Variants in PPP1R12B observed in about 807,000 individuals in gnomAD.
PPP1R12B encodes the protein myosin phosphatase target subunit 2.
PPP1R12B carries 76 observed loss-of-function variants against 126.1 expected under a neutral mutation model. That is an observed-to-expected ratio of 0.60 (90% CI 0.50 to 0.73). The LOEUF (loss-of-function observed/expected upper bound fraction) is 0.73, where lower values mean the gene tolerates loss of function less well. Among genes scored for constraint, PPP1R12B ranks in the 30% least tolerant of loss-of-function variants. The pLI, the probability that PPP1R12B is intolerant of heterozygous loss-of-function variation, is 0.00. For missense variants in PPP1R12B, 1,052 were observed against 1,205.1 expected, an observed-to-expected ratio of 0.87 and a Z score of 1.88; for synonymous variants, 356 against 434.7, an observed-to-expected ratio of 0.82 and a Z score of 2.25.
chr1:202,392,729 G>T (rs1664325802), intron 1 of PPP1R12B, among the ~76,000 whole-genome samples: 2 of 151,746 alleles, frequency 1.3e-5, no homozygotes, highest in Admixed American at 1.3e-4. Flanking sequence ...GTTTCACCAT[G>T]CTTCTCAGGC....
At chr1:202,468,897 C>T (rs1234866614) in intron 13 of PPP1R12B, among the ~76,000 whole-genome samples, 3 of 152,070 alleles carry the variant, frequency 2.0e-5, no homozygotes, top group Non-Finnish European at 4.4e-5. Context: ...GTGACCACTG[C>T]ACTCCAGCCT....
At chr1:202,365,099 T>C (rs1390130600) in intron 1 of PPP1R12B, among the ~76,000 whole-genome samples, 1 of 152,228 alleles carries the variant, frequency 6.6e-6, no homozygotes, top group Non-Finnish European at 1.5e-5. Context: ...TTCCTCAGGC[T>C]GTCTTAGCTT....
rs181346655 is a variant in PPP1R12B, at chr1:202,448,917, T to C, written c.1668-72T>C. 869 of 1,473,488 alleles carry C rather than the reference T, an allele frequency of 5.9e-4. 11 individuals are homozygous for C. The East Asian group carries it at 0.02, about 33-fold the overall frequency. 91.3% of individuals were successfully genotyped at this position (1,473,488 alleles called of 1,614,324 possible). ...GATGAACCACTCTTTAATCCTTCTG[T>C]CTCTGTGCCAGTGCTTTGTTGTATA... On this transcript the variant is annotated intron_variant, in intron 12 of 23. Transcript: ENST00000608999.
chr1:202,441,804 A>C (rs572691863), intron 11 of PPP1R12B, among the ~76,000 whole-genome samples: 92 of 151,278 alleles, frequency 6.1e-4, no homozygotes, highest in African/African-American at 2.0e-3. Context: ...TCATTTCCTT[A>C]TCTGCTTAAC....
chr1:202,554,091 C>T (rs1686627932), intron 18 of PPP1R12B, among the ~76,000 whole-genome samples: 1 of 152,180 alleles, frequency 6.6e-6, no homozygotes, highest in Admixed American at 6.5e-5. Flanking sequence ...CCCATCTTCT[C>T]TCTCCCTAAA....
chr1:202,482,655 G>A (rs1000385798), intron 13 of PPP1R12B, among the ~76,000 whole-genome samples: 1 of 152,150 alleles, frequency 6.6e-6, no homozygotes, highest in South Asian at 2.1e-4. Flanking sequence ...CTTGTCAGAT[G>A]TATAGTTTGC....
At chr1:202,371,181 A>ATTTTTT (rs1214666307) in intron 1 of PPP1R12B, among the ~76,000 whole-genome samples, 1 of 110,714 alleles carries the variant, frequency 9.0e-6, no homozygotes, top group African/African-American at 3.4e-5. Context: ...ACACCCAGCT[A>ATTTTTT]TTTTTTTTTT....
In PPP1R12B at chr1:202,348,746, C is replaced by T. The variant is rs1209602968; in HGVS notation, c.-106C>T. The T allele has an allele frequency of 1.2e-5, 17 of 1,390,646 alleles. No homozygotes were observed. Among genetic ancestry groups the T allele is most frequent in the East Asian group, 2.5e-5 (1 of 39,670 alleles). 86.1% of individuals were successfully genotyped at this position (1,390,646 alleles called of 1,614,324 possible). A position where few individuals can be genotyped will look rare whatever the true frequency, so the allele number is the denominator to read the frequency against. On this transcript the variant is annotated 5_prime_UTR_variant, in exon 1 of 24. Coordinates refer to ENST00000608999, the MANE Select transcript of PPP1R12B (RefSeq NM_002481.4). ...AAGATGGCGGCGCGAGGGTCTCCGC[C>T]CTCTGCTCCGGGCTGAAGCGCTCTG...
At chr1:202,537,411 T>C (rs1460393393) in intron 18 of PPP1R12B, among the ~76,000 whole-genome samples, 1 of 152,140 alleles carries the variant, frequency 6.6e-6, no homozygotes, top group Admixed American at 6.5e-5. Flanking sequence ...AGTTCCATTA[T>C]AGTCTTATGC....
chr1:202,460,116 T>C (rs1674129140), intron 13 of PPP1R12B, among the ~76,000 whole-genome samples: 1 of 152,270 alleles, frequency 6.6e-6, no homozygotes, highest in South Asian at 2.1e-4. Context: ...TTTGATTCTT[T>C]TGTTTTTCCT....
Position 202,464,485 on chromosome 1 carries a change from A to G in PPP1R12B, c.1850+15314A>G, listed in dbSNP as rs79345427. ...TCCCATTCCATTTAAGTGTTTTAATATAGGGAATGCAGATTTTTTTTGGCA... is the reference window on the plus strand; with the variant it reads ...TCCCATTCCATTTAAGTGTTTTAATGTAGGGAATGCAGATTTTTTTTGGCA... On this transcript the variant is annotated intron_variant, in intron 13 of 23. Transcript: ENST00000608999. Among the ~76,000 whole-genome samples the G allele has an allele frequency of 4.8e-4, 73 of 152,258 alleles. 1 individual carries two copies. In the East Asian group the frequency reaches 0.012, roughly 26 times the overall value.
chr1:202,510,862 A>T (rs1362703851), intron 18 of PPP1R12B, among the ~76,000 whole-genome samples: 4 of 147,520 alleles, frequency 2.7e-5, no homozygotes, highest in Non-Finnish European at 6.0e-5. Flanking sequence ...TTATTCAGGC[A>T]AGTATATATA....
chr1:202,423,803 C>T (rs1247905701), intron 3 of PPP1R12B, among the ~76,000 whole-genome samples: 2 of 152,086 alleles, frequency 1.3e-5, no homozygotes, highest in African/African-American at 4.8e-5. Context: ...CCTGCCGCAG[C>T]CTCCTGAGTA....
At chr1:202,378,294 C>T (rs1325954244) in intron 1 of PPP1R12B, among the ~76,000 whole-genome samples, 2 of 142,916 alleles carry the variant, frequency 1.4e-5, no homozygotes, top group African/African-American at 5.2e-5. Context: ...AAATGGCCAC[C>T]AAAAGAACTT....
At chr1:202,440,998 T>C (rs1354632803) in intron 11 of PPP1R12B, among the ~76,000 whole-genome samples, 1 of 152,208 alleles carries the variant, frequency 6.6e-6, no homozygotes. Context: ...AGGTTAGACA[T>C]TACCTTCTTT....
At chr1:202,460,074 A>G (rs1674125047) in intron 13 of PPP1R12B, among the ~76,000 whole-genome samples, 1 of 152,320 alleles carries the variant, frequency 6.6e-6, no homozygotes, top group Middle Eastern at 3.4e-3. Flanking sequence ...AACAATTCCC[A>G]TTGCTAATAT....
At chr1:202,479,735 T>C (rs1363736211) in intron 13 of PPP1R12B, among the ~76,000 whole-genome samples, 1 of 152,170 alleles carries the variant, frequency 6.6e-6, no homozygotes, top group Non-Finnish European at 1.5e-5. Flanking sequence ...TAAAATGTGG[T>C]CCCCAGACCA....
Position 202,583,904 on chromosome 1 carries a change from G to A in PPP1R12B, c.*3344G>A, listed in dbSNP as rs1385164893. 4 of 152,118 alleles carry A rather than the reference G, an allele frequency of 2.6e-5. No homozygotes were observed. Among genetic ancestry groups the A allele is most frequent in the African/African-American group, 9.7e-5 (4 of 41,420 alleles). The allele number at this position is 152,118 out of a possible 1,614,324, so 9.4% of individuals were successfully genotyped here. A position where few individuals can be genotyped will look rare whatever the true frequency, so the allele number is the denominator to read the frequency against. ...AAGAGAATGTTCCTGGTAAAACTCT[G>A]TTTTCATTAATTTGTTATTTTTCAA... On this transcript the variant is annotated 3_prime_UTR_variant, in exon 24 of 24. Transcript: ENST00000608999.
At chr1:202,566,756 C>A (rs2149022432) in intron 21 of PPP1R12B, among the ~76,000 whole-genome samples, 1 of 152,256 alleles carries the variant, frequency 6.6e-6, no homozygotes, top group African/African-American at 2.4e-5. Context: ...AAGCCCAGGA[C>A]AGGAGCCAGA....
Sources: gnomAD v4.1 joint callset for allele counts (sites outside exome capture counted in the v4.1 genomes callset) on GRCh38, gnomAD v4.1.1 for gene constraint, MANE v1.5 for transcripts, NCBI Gene and HGNC (gene_info 2026-07-23, HGNC 2026-07-21) for gene names.